RABGAP1L: variants seen among roughly 807,000 people sequenced by gnomAD.
The protein encoded by RABGAP1L is rab GTPase-activating protein 1-like.
Under a neutral mutation model 137.7 loss-of-function variants are expected in RABGAP1L, and 63 were observed. The ratio of observed to expected loss-of-function variants is 0.46; its 90% CI spans 0.37 to 0.56. RABGAP1L has a LOEUF of 0.56. Among genes scored for constraint, RABGAP1L ranks in the 20% least tolerant of loss-of-function variants. The pLI, the probability that RABGAP1L is intolerant of heterozygous loss-of-function variation, is 0.00. For missense variants in RABGAP1L, 1,095 were observed against 1,244.0 expected, an observed-to-expected ratio of 0.88 and a Z score of 1.80; for synonymous variants, 431 against 433.7, an observed-to-expected ratio of 0.99 and a Z score of 0.08.
intron 14 of RABGAP1L, among the ~76,000 whole-genome samples, chr1:174,679,350 A>G (rs1049143620): frequency 6.6e-6 from 1 of 152,200 alleles, no homozygotes; most frequent in Admixed American, 6.5e-5. Flanking sequence ...CAATAGACGC[A>G]TGAAAGGCAT....
intron 17 of RABGAP1L, among the ~76,000 whole-genome samples, chr1:174,726,112 A>T (rs923729598): frequency 1.1e-4 from 16 of 152,076 alleles, no homozygotes; most frequent in Non-Finnish European, 1.8e-4. Flanking sequence ...ATAAATTCTG[A>T]GGGTATAGTA....
chr1:174,628,135 A>G (rs1673057731), intron 13 of RABGAP1L, among the ~76,000 whole-genome samples: 1 of 152,118 alleles, frequency 6.6e-6, no homozygotes, highest in Admixed American at 6.5e-5. Flanking sequence ...CAGAGTGTGT[A>G]TTAGTTGATA....
At chr1:174,685,595 C>CCT (rs1678403361) in intron 15 of RABGAP1L, among the ~76,000 whole-genome samples, 1 of 122,072 alleles carries the variant, frequency 8.2e-6, no homozygotes, top group Admixed American at 8.3e-5. Flanking sequence ...ATGAAGTCTA[C>CCT]CTCTGTCTTT....
At chr1:174,954,725 G>A (rs553403675) in intron 19 of RABGAP1L, among the ~76,000 whole-genome samples, 5 of 152,104 alleles carry the variant, frequency 3.3e-5, no homozygotes, top group African/African-American at 1.2e-4. Context: ...AAATACTTCC[G>A]ATCTGGTGGG....
intron 19 of RABGAP1L, among the ~76,000 whole-genome samples, chr1:174,873,602 C>T (rs1652565307): frequency 6.6e-6 from 1 of 151,306 alleles, no homozygotes; most frequent in African/African-American, 2.4e-5. Context: ...CAACCCCTGC[C>T]TCCCGGGTTC....
chr1:174,780,102 A>AT (rs1427399930), intron 18 of RABGAP1L, among the ~76,000 whole-genome samples: 8 of 119,842 alleles, frequency 6.7e-5, no homozygotes, highest in African/African-American at 1.8e-4. Context: ...AAATAAATAA[A>AT]TAAATAAATA....
At chr1:174,404,867 A>T (rs144900997) in intron 13 of RABGAP1L, among the ~76,000 whole-genome samples, 5 of 152,220 alleles carry the variant, frequency 3.3e-5, no homozygotes, top group Non-Finnish European at 5.9e-5. Flanking sequence ...TTTTTGAAAT[A>T]ATAAAAAACA....
intron 13 of RABGAP1L, among the ~76,000 whole-genome samples, chr1:174,445,787 C>G (rs1264512585): frequency 6.6e-6 from 1 of 152,128 alleles, no homozygotes; most frequent in African/African-American, 2.4e-5. Flanking sequence ...ACAGGGTTTA[C>G]AGGAGTATGG....
At chr1:174,794,754 T>C (rs1055619205) in intron 18 of RABGAP1L, among the ~76,000 whole-genome samples, 4 of 152,212 alleles carry the variant, frequency 2.6e-5, no homozygotes, top group Admixed American at 6.5e-5. Context: ...TAGCACACAG[T>C]GTGTCACCCC....
intron 19 of RABGAP1L, among the ~76,000 whole-genome samples, chr1:174,933,703 A>G (rs1405895009): frequency 1.3e-5 from 2 of 152,174 alleles, no homozygotes; most frequent in Non-Finnish European, 2.9e-5. Flanking sequence ...TCTGGCACAT[A>G]CTAGTGTTTG....
At chr1:174,478,261 T>C (rs1658717097) in intron 13 of RABGAP1L, among the ~76,000 whole-genome samples, 1 of 151,970 alleles carries the variant, frequency 6.6e-6, no homozygotes, top group African/African-American at 2.4e-5. Context: ...TGTTGTTATT[T>C]GTTTTTCGGA....
chr1:174,820,395 A>G (rs753101902), intron 19 of RABGAP1L, among the ~76,000 whole-genome samples: 1 of 152,164 alleles, frequency 6.6e-6, no homozygotes, highest in Non-Finnish European at 1.5e-5. Flanking sequence ...CAAGCTACCA[A>G]TGACTTAACC....
At chr1:174,750,016 C>T (rs1199440750) in intron 17 of RABGAP1L, among the ~76,000 whole-genome samples, 1 of 152,002 alleles carries the variant, frequency 6.6e-6, no homozygotes, top group African/African-American at 2.4e-5. Context: ...ACTACAGGCG[C>T]CTGCCACCAC....
rs968907038 is a variant in RABGAP1L at position 174,390,030 on chromosome 1, A to G, written c.1560-3965A>G. ...ATTTTAATCAGAAATATTGAAAGCAATGATTATTTTTATAAATTTCTCTTT... is the reference window on the plus strand; with the variant it reads ...ATTTTAATCAGAAATATTGAAAGCAGTGATTATTTTTATAAATTTCTCTTT... On this transcript the variant is annotated intron_variant, in intron 12 of 25. Coordinates refer to ENST00000681986, the MANE Select transcript of RABGAP1L (RefSeq NM_001366446.1). Among the ~76,000 whole-genome samples the G allele has an allele frequency of 2.6e-5, 4 of 152,300 alleles. No individual in the cohort carries two copies. In the South Asian group the frequency reaches 6.2e-4, roughly 24 times the overall value.
intron 11 of RABGAP1L, among the ~76,000 whole-genome samples, chr1:174,369,382 G>T (rs868020320): frequency 3.3e-5 from 5 of 152,184 alleles, no homozygotes; most frequent in Middle Eastern, 3.4e-3. Flanking sequence ...ATAGAAACAG[G>T]GTTTTACCAT....
chr1:174,471,842 C>T (rs1311916894), intron 13 of RABGAP1L, among the ~76,000 whole-genome samples: 2 of 152,128 alleles, frequency 1.3e-5, no homozygotes, highest in Non-Finnish European at 2.9e-5. Flanking sequence ...CCCATAATCC[C>T]CAATATGACT....
At chr1:174,753,193 T>C (rs1684474132) in intron 18 of RABGAP1L, among the ~76,000 whole-genome samples, 1 of 152,176 alleles carries the variant, frequency 6.6e-6, no homozygotes, top group Non-Finnish European at 1.5e-5. Context: ...ATTGAGATGA[T>C]CAAAGAAGTC....
intron 19 of RABGAP1L, among the ~76,000 whole-genome samples, chr1:174,916,397 T>C (rs556428346): frequency 6.6e-6 from 1 of 152,304 alleles, no homozygotes; most frequent in Admixed American, 6.5e-5. Context: ...AACACTTAAA[T>C]ATCGCTGAAA....
At chr1:174,618,924 C>G (rs899957119) in intron 13 of RABGAP1L, among the ~76,000 whole-genome samples, 2 of 152,100 alleles carry the variant, frequency 1.3e-5, no homozygotes, top group Non-Finnish European at 2.9e-5. Flanking sequence ...ACTAGAATAA[C>G]CAATACAGAG....
Sources: gnomAD v4.1 joint callset for allele counts (sites outside exome capture counted in the v4.1 genomes callset) on GRCh38, gnomAD v4.1.1 for gene constraint, MANE v1.5 for transcripts, NCBI Gene and HGNC (gene_info 2026-07-23, HGNC 2026-07-21) for gene names.